Variants in HEATR5A observed in about 807,000 individuals in gnomAD.
HEATR5A encodes HEAT repeat containing 5A.
In HEATR5A, 178 loss-of-function variants were observed where a neutral mutation model predicts 218.8. That is an observed-to-expected ratio of 0.81 (90% confidence interval 0.72 to 0.92). The LOEUF is 0.92. Ranked by LOEUF, HEATR5A falls within the 40% of genes least tolerant of loss-of-function variation. The pLI is 0.00. For synonymous variants in HEATR5A, 864 were observed against 871.6 expected, an observed-to-expected ratio of 0.99 and a Z score of 0.15; for missense variants, 2,420 against 2,418.9, an observed-to-expected ratio of 1.00 and a Z score of -0.01.
At chr14:31,323,869 G>C in intron 23 of HEATR5A, 65 bp from the exon 24 acceptor site, 1 of 1,112,542 alleles carries the variant, frequency 9.0e-7, no homozygotes, top group South Asian at 1.6e-5. Context: ...TATATCAAAA[G>C]GAACAAAAAA....
At chr14:31,340,473 TCTC>T in intron 21 of HEATR5A, 5 of 1,288,296 alleles carry the variant, frequency 3.9e-6, no homozygotes, top group Non-Finnish European at 5.1e-6. Context: ...TCCAACAAGA[TCTC>T]CTGCACAAAA....
At chr14:31,351,565 GA>G (rs1277727296) in intron 16 of HEATR5A, among the ~76,000 whole-genome samples, 2 of 151,308 alleles carry the variant, frequency 1.3e-5, no homozygotes, top group Admixed American at 6.6e-5. Flanking sequence ...AATGTTAAAT[GA>G]AAAAAGCAAG....
At position 31,326,486 on chromosome 14, in the gene HEATR5A, G is replaced by A. The variant is rs76473261; in HGVS notation, c.3368-144C>T. The A allele has an allele frequency of 5.2e-3, 3,289 of 629,876 alleles. 82 individuals are homozygous for A. The African/African-American group carries it at 0.055, about 10-fold the overall frequency. 39.0% of individuals were successfully genotyped at this position (629,876 alleles called of 1,614,324 possible). ...CAAATACTGTGCTTTAATCTACTGA[G>A]ATCCATTTTAGTTCACACTTGAATT... On this transcript the variant is annotated intron_variant, in intron 22 of 35. Transcript: ENST00000543095.
At chr14:31,390,940 T>TATG (rs1391473111) in intron 6 of HEATR5A, among the ~76,000 whole-genome samples, 2 of 152,128 alleles carry the variant, frequency 1.3e-5, no homozygotes, top group African/African-American at 4.8e-5. Context: ...AGATAACAGC[T>TATG]CCATGCGTGT....
At chr14:31,353,402 C>T (rs974408009) in intron 16 of HEATR5A, among the ~76,000 whole-genome samples, 1 of 152,096 alleles carries the variant, frequency 6.6e-6, no homozygotes, top group African/African-American at 2.4e-5. Context: ...GACATTTAGG[C>T]TATTTCTAAT....
intron 6 of HEATR5A, among the ~76,000 whole-genome samples, chr14:31,391,935 A>G (rs189784967): frequency 7.7e-4 from 117 of 152,330 alleles, no homozygotes; most frequent in African/African-American, 2.7e-3. Context: ...TGATGTTCCC[A>G]CAATGACAAA....
chr14:31,320,734 T>C, intron 25 of HEATR5A: 1 of 359,424 alleles, frequency 2.8e-6, no homozygotes. Context: ...TTTTTATTTT[T>C]GTTTTCTTTA....
chr14:31,415,193 A>C (rs983410434), intron 1 of HEATR5A, among the ~76,000 whole-genome samples: 9 of 152,160 alleles, frequency 5.9e-5, no homozygotes, highest in Non-Finnish European at 7.3e-5. Flanking sequence ...CTAACCTAAA[A>C]TTTAGCTAAA....
chr14:31,416,349 T>A (rs1406975977), intron 1 of HEATR5A, among the ~76,000 whole-genome samples: 1 of 152,194 alleles, frequency 6.6e-6, no homozygotes, highest in Non-Finnish European at 1.5e-5. Flanking sequence ...CTCAAACCCC[T>A]GACCTCAAGT....
rs903640453 is a variant in HEATR5A, at chr14:31,329,459, G to A, written c.3368-3117C>T. ...AAATTGGGCTGCAGTCCCCACGCAAGTCCAAAATCCAGTGGGGCAGTCATA... is the reference window on the plus strand; with the variant it reads ...AAATTGGGCTGCAGTCCCCACGCAAATCCAAAATCCAGTGGGGCAGTCATA... On this transcript the variant is annotated intron_variant, in intron 22 of 35. Transcript: ENST00000543095. Among the ~76,000 whole-genome samples the A allele has an allele frequency of 1.1e-4, 16 of 152,216 alleles. 1 individual carries two copies. Among genetic ancestry groups the A allele is most frequent in the Admixed American group, 1.0e-3 (16 of 15,284 alleles).
At chr14:31,333,703 A>G (rs1014803076) in intron 22 of HEATR5A, among the ~76,000 whole-genome samples, 4 of 152,108 alleles carry the variant, frequency 2.6e-5, no homozygotes, top group Non-Finnish European at 4.4e-5. Flanking sequence ...GCCAGTGTTC[A>G]CTGACCATTC....
Position 31,323,936 on chromosome 14 carries a change from CTTT to C in HEATR5A, c.3548-135_3548-133del, listed in dbSNP as rs557040115. The C allele has an allele frequency of 1.1e-4, 64 of 601,012 alleles. No homozygotes were observed. The African/African-American group carries it at 1.2e-3, about 11-fold the overall frequency. The allele number at this position is 601,012 out of a possible 1,614,324, so 37.2% of individuals were successfully genotyped here. ...CTATCAATTGCTACTGATCAATCAT[CTTT>C]TTAATAACATCAAATAATTAGGTCT... On this transcript the variant is annotated intron_variant, in intron 23 of 35. Transcript: ENST00000543095.
intron 20 of HEATR5A, 23 bp downstream of exon 20, chr14:31,345,064 A>T: frequency 6.3e-7 from 1 of 1,576,814 alleles, no homozygotes; most frequent in Non-Finnish European, 8.6e-7. Flanking sequence ...AATGTAAAAC[A>T]TCACAAAAGC....
Position 31,387,179 on chromosome 14 carries a change from G to A in HEATR5A, c.1130C>T (p.Ala377Val), listed in dbSNP as rs541677371. The A allele has an allele frequency of 1.2e-6, 2 of 1,613,854 alleles. No individual in the cohort carries two copies. The highest frequency in any genetic ancestry group is 2.7e-5 in the African/African-American group (2 of 75,008). ...TTIGGLLGEK[A>V]QLAAVKDICQ... is the part of the protein sequence containing the mutation. ...AATATCCTTTACAGCAGCAAGCTGA[G>A]CCTTTTCTCCAAGAAGACCACCTAT... The change falls in exon 8 of 36, where the codon GCT (alanine) becomes GTT (valine). Residue 377 changes from alanine to valine, a missense_variant. Transcript: ENST00000543095.
intron 16 of HEATR5A, among the ~76,000 whole-genome samples, chr14:31,357,747 T>C (rs1286632026): frequency 6.6e-6 from 1 of 152,236 alleles, no homozygotes; most frequent in African/African-American, 2.4e-5. Context: ...CTACATAGTA[T>C]GAGGTATACA....
At chr14:31,382,531 C>T (rs951527192) in intron 10 of HEATR5A, among the ~76,000 whole-genome samples, 1 of 151,998 alleles carries the variant, frequency 6.6e-6, no homozygotes, top group Non-Finnish European at 1.5e-5. Flanking sequence ...CTTACAATTC[C>T]TAGCTATTAA....
chr14:31,403,153 A>G, intron 1 of HEATR5A, 104 bp from the exon 2 acceptor site: 1 of 576,734 alleles, frequency 1.7e-6, no homozygotes, highest in Non-Finnish European at 3.0e-6. Flanking sequence ...TACATTTTTT[A>G]TAAATGCTCT....
intron 22 of HEATR5A, chr14:31,334,368 G>A: frequency 2.2e-6 from 1 of 455,320 alleles, no homozygotes; most frequent in Non-Finnish European, 4.4e-6. Context: ...ATGGATCCAG[G>A]CAAAGTAACT....
intron 17 of HEATR5A, 41 bp from the exon 18 acceptor site, chr14:31,350,020 A>G: frequency 7.5e-7 from 1 of 1,327,456 alleles, no homozygotes; most frequent in Non-Finnish European, 1.0e-6. Flanking sequence ...CAATTGTAGT[A>G]AATTCTCATA....
Sources: gnomAD v4.1 joint callset for allele counts (sites outside exome capture counted in the v4.1 genomes callset) on GRCh38, gnomAD v4.1.1 for gene constraint, MANE v1.5 for transcripts, NCBI Gene and HGNC (gene_info 2026-07-23, HGNC 2026-07-21) for gene names.